CPQ: variants seen among roughly 807,000 people sequenced by gnomAD.
CPQ encodes carboxypeptidase Q, also known as Ser-Met dipeptidase.
Under a neutral mutation model 45.7 loss-of-function variants are expected in CPQ, and 37 were observed. The ratio of observed to expected loss-of-function variants is 0.81; its 90% CI spans 0.62 to 1.07. The LOEUF is 1.07. Ranked by LOEUF, CPQ falls within the 50% of genes least tolerant of loss-of-function variation. The pLI is 0.00. For missense variants in CPQ, 537 were observed against 572.9 expected (o/e 0.94, Z 0.64); for synonymous variants, 186 against 205.8 (o/e 0.90, Z 0.82).
chr8:97,036,061 A>G (rs1460862312), intron 6 of CPQ, among the ~76,000 whole-genome samples: 1 of 152,156 alleles, frequency 6.6e-6, no homozygotes, highest in African/African-American at 2.4e-5. Context: ...GGGAGACCAA[A>G]GGCCTTTTTA....
At chr8:96,741,928 G>A (rs1233798939) in intron 1 of CPQ, among the ~76,000 whole-genome samples, 2 of 143,422 alleles carry the variant, frequency 1.4e-5, no homozygotes, top group South Asian at 2.4e-4. Context: ...GTGTGGTGTG[G>A]TGCTGAAAAA....
chr8:96,975,328 GA>G (rs1420751301), intron 5 of CPQ, among the ~76,000 whole-genome samples: 1 of 151,996 alleles, frequency 6.6e-6, no homozygotes, highest in African/African-American at 2.4e-5. Context: ...CAGTGAGATT[GA>G]AATGGTAATT....
At chr8:96,990,972 G>A (rs1809083730) in intron 5 of CPQ, among the ~76,000 whole-genome samples, 1 of 152,172 alleles carries the variant, frequency 6.6e-6, no homozygotes, top group East Asian at 1.9e-4. Flanking sequence ...AGAAAGGAAA[G>A]GACTCAAGGT....
intron 1 of CPQ, among the ~76,000 whole-genome samples, chr8:96,741,009 C>T (rs1810080400): frequency 6.6e-6 from 1 of 152,116 alleles, no homozygotes; most frequent in Admixed American, 6.5e-5. Context: ...AGGAAGGATT[C>T]CCTCTTTTTC....
intron 4 of CPQ, among the ~76,000 whole-genome samples, chr8:96,912,992 T>A (rs570391822): frequency 6.6e-6 from 1 of 152,178 alleles, no homozygotes; most frequent in African/African-American, 2.4e-5. Flanking sequence ...AACTGTGTTA[T>A]CCTCTTTCTC....
intron 7 of CPQ, among the ~76,000 whole-genome samples, chr8:97,113,804 C>T (rs1052866920): frequency 6.6e-6 from 1 of 152,168 alleles, no homozygotes; most frequent in Admixed American, 6.5e-5. Flanking sequence ...GCTAAAGGTA[C>T]AGAAAAATGT....
At chr8:96,650,342 C>A (rs909103815) in intron 1 of CPQ, among the ~76,000 whole-genome samples, 1 of 152,188 alleles carries the variant, frequency 6.6e-6, no homozygotes, top group Non-Finnish European at 1.5e-5. Context: ...CAGATCAACG[C>A]AGTGTTCTCT....
intron 7 of CPQ, among the ~76,000 whole-genome samples, chr8:97,116,408 A>T (rs1033158862): frequency 1.3e-5 from 2 of 152,230 alleles, no homozygotes; most frequent in African/African-American, 4.8e-5. Context: ...ATTAAACTGA[A>T]TTTTTCTAAC....
intron 1 of CPQ, among the ~76,000 whole-genome samples, chr8:96,670,307 T>A (rs1808984123): frequency 1.3e-5 from 2 of 150,198 alleles, no homozygotes; most frequent in African/African-American, 4.9e-5. Context: ...ATGGAGTGAC[T>A]CAATTTTTTT....
intron 7 of CPQ, among the ~76,000 whole-genome samples, chr8:97,099,243 GC>G (rs1269514774): frequency 6.9e-6 from 1 of 145,196 alleles, no homozygotes; most frequent in Non-Finnish European, 1.5e-5. Context: ...GGATCCTCCT[GC>G]CTCTGCCTCC....
chr8:96,861,126 G>T (rs1334139286), intron 3 of CPQ, among the ~76,000 whole-genome samples: 4 of 152,096 alleles, frequency 2.6e-5, no homozygotes, highest in Non-Finnish European at 5.9e-5. Context: ...ATAGAAAAAT[G>T]AATAAGACTG....
chr8:96,673,626 G>A (rs1367957185), intron 1 of CPQ, among the ~76,000 whole-genome samples: 1 of 152,090 alleles, frequency 6.6e-6, no homozygotes, highest in Non-Finnish European at 1.5e-5. Context: ...GTGTGAATTG[G>A]CCTTAGGGTC....
At chr8:97,063,298 A>G (rs570267527) in intron 6 of CPQ, among the ~76,000 whole-genome samples, 2 of 152,196 alleles carry the variant, frequency 1.3e-5, no homozygotes, top group Admixed American at 6.5e-5. Flanking sequence ...GCCTCTGTTC[A>G]TGTCCTTTGC....
intron 4 of CPQ, among the ~76,000 whole-genome samples, chr8:96,885,566 C>A (rs1371360080): frequency 6.6e-6 from 1 of 152,120 alleles, no homozygotes; most frequent in Non-Finnish European, 1.5e-5. Context: ...CATTTTGGCC[C>A]AAAACCCATG....
intron 1 of CPQ, among the ~76,000 whole-genome samples, chr8:96,742,214 C>T (rs1157238131): frequency 6.6e-6 from 1 of 152,094 alleles, no homozygotes; most frequent in African/African-American, 2.4e-5. Flanking sequence ...GAATTGATCC[C>T]TTTACCATTA....
intron 4 of CPQ, among the ~76,000 whole-genome samples, chr8:96,923,666 C>G (rs77919198): frequency 0.022 from 3,310 of 152,156 alleles, 92 homozygotes; most frequent in African/African-American, 0.065. Context: ...CCTGGCCAAG[C>G]TAGGATGATA....
At chr8:96,722,993 G>A (rs533058755) in intron 1 of CPQ, among the ~76,000 whole-genome samples, 111 of 152,252 alleles carry the variant, frequency 7.3e-4, no homozygotes, top group African/African-American at 1.0e-3. Context: ...TTTAATGAGC[G>A]ATGAGCATCT....
intron 7 of CPQ, among the ~76,000 whole-genome samples, chr8:97,075,499 GA>G (rs2130543417): frequency 6.6e-6 from 1 of 152,230 alleles, no homozygotes; most frequent in Admixed American, 6.5e-5. Flanking sequence ...GCTCACAATT[GA>G]AAACTGATTT....
At chr8:96,872,408 A>C (rs1812083691) in intron 3 of CPQ, among the ~76,000 whole-genome samples, 1 of 151,892 alleles carries the variant, frequency 6.6e-6, no homozygotes, top group Non-Finnish European at 1.5e-5. Context: ...AGGGATGCTT[A>C]AACTGTATGT....
Sources: allele counts gnomAD v4.1 joint callset (sites outside exome capture counted in the v4.1 genomes callset), GRCh38; gene constraint gnomAD v4.1.1; transcripts MANE v1.5; gene names NCBI Gene and HGNC (gene_info 2026-07-23, HGNC 2026-07-21).